Variants in SORBS2 observed in about 807,000 individuals in gnomAD.
The protein encoded by SORBS2 is sorbin and SH3 domain-containing protein 2.
A neutral mutation model predicts 97.7 loss-of-function variants in SORBS2; 46 were observed. The ratio of observed to expected loss-of-function variants is 0.47; its 90% CI spans 0.37 to 0.60. SORBS2 has a LOEUF of 0.60. Among genes scored for constraint, SORBS2 ranks in the 20% least tolerant of loss-of-function variants. The pLI, the probability that SORBS2 is intolerant of heterozygous loss-of-function variation, is 0.00. For missense variants in SORBS2, 1,316 were observed against 1,282.3 expected (o/e 1.03, Z -0.40); for synonymous variants, 476 against 473.4 (o/e 1.01, Z -0.07).
intron 1 of SORBS2, among the ~76,000 whole-genome samples, chr4:185,910,783 A>T (rs944008278): frequency 6.6e-6 from 1 of 152,198 alleles, no homozygotes; most frequent in Non-Finnish European, 1.5e-5. Context: ...GTATACAAAG[A>T]TGCAGATATA....
chr4:185,639,249 C>T (rs905436098), intron 4 of SORBS2, among the ~76,000 whole-genome samples: 1 of 152,130 alleles, frequency 6.6e-6, no homozygotes, highest in African/African-American at 2.4e-5. Flanking sequence ...ATTCACCTCC[C>T]GGCTGCCTGC....
At chr4:185,720,223 C>T (rs2098501535) in intron 2 of SORBS2, among the ~76,000 whole-genome samples, 1 of 152,198 alleles carries the variant, frequency 6.6e-6, no homozygotes, top group East Asian at 1.9e-4. Context: ...CATGAGTGAG[C>T]AATACACATC....
chr4:185,745,999 A>G (rs1177774930), intron 2 of SORBS2, among the ~76,000 whole-genome samples: 4 of 152,234 alleles, frequency 2.6e-5, no homozygotes, highest in African/African-American at 9.6e-5. Flanking sequence ...TCTGTGAACT[A>G]CAGAAAAGGA....
intron 1 of SORBS2, among the ~76,000 whole-genome samples, chr4:185,886,499 G>C (rs983590002): frequency 1.5e-5 from 2 of 136,934 alleles, no homozygotes; most frequent in African/African-American, 5.7e-5. Flanking sequence ...AGGTTGCAGT[G>C]AGCCAAGATC....
At chr4:185,924,779 T>A (rs181461939) in intron 1 of SORBS2, among the ~76,000 whole-genome samples, 2 of 152,338 alleles carry the variant, frequency 1.3e-5, no homozygotes, top group African/African-American at 4.8e-5. Flanking sequence ...GCGAGTTTTC[T>A]CTTTGTTCCA....
intron 1 of SORBS2, among the ~76,000 whole-genome samples, chr4:185,878,118 C>T (rs547702039): frequency 2.2e-4 from 34 of 152,142 alleles, no homozygotes; most frequent in African/African-American, 8.2e-4. Context: ...AGCCAATTAT[C>T]TCCTATTGCT....
At chr4:185,658,837 T>C (rs1582027443), upstream of SORBS2, among the ~76,000 whole-genome samples, 1 of 151,650 alleles carries the variant, frequency 6.6e-6, no homozygotes, top group Admixed American at 6.6e-5. Flanking sequence ...CGTGCCACCA[T>C]GCCTGTACAA....
intron 2 of SORBS2, among the ~76,000 whole-genome samples, chr4:185,687,992 C>A (rs944339758): frequency 6.6e-6 from 1 of 152,166 alleles, no homozygotes; most frequent in African/African-American, 2.4e-5. Flanking sequence ...GGCTACTCTT[C>A]CCCTGAGCTG....
At chr4:185,633,723 A>AT (rs11461968) in intron 4 of SORBS2, among the ~76,000 whole-genome samples, 56,500 of 150,950 alleles carry the variant, frequency 0.37, 10,651 homozygotes, top group South Asian at 0.52. Flanking sequence ...AGAGAGATAT[A>AT]TTTTTTTTTC....
chr4:185,725,842 T>A (rs954883466), intron 2 of SORBS2, among the ~76,000 whole-genome samples: 1 of 152,218 alleles, frequency 6.6e-6, no homozygotes, highest in African/African-American at 2.4e-5. Context: ...GAACACTGAC[T>A]TCACATTATC....
chr4:185,793,534 C>G (rs2153649502), intron 1 of SORBS2, among the ~76,000 whole-genome samples: 1 of 152,278 alleles, frequency 6.6e-6, no homozygotes, highest in African/African-American at 2.4e-5. Flanking sequence ...CACGGAAAGT[C>G]AAATGGATTG....
At position 185,785,459 on chromosome 4, in the gene SORBS2, A is replaced by G. The variant is rs2099051918; in HGVS notation, c.-337-10093T>C. On this transcript the variant is annotated intron_variant, in intron 1 of 20. Transcript: ENST00000284776. Reference sequence around the variant, plus strand: ...ATAAATCATAACGATTCCGTTTTATAACAGACAGTCTCGTGTAAATATTTT... The same window carrying G: ...ATAAATCATAACGATTCCGTTTTATGACAGACAGTCTCGTGTAAATATTTT... Among the ~76,000 whole-genome samples the G allele has an allele frequency of 2.0e-5, 3 of 152,228 alleles. No individual in the cohort carries two copies. In the South Asian group the frequency reaches 6.2e-4, roughly 31 times the overall value.
At position 185,831,905 on chromosome 4, in the gene SORBS2, C is replaced by T. The variant is rs535694466; in HGVS notation, c.-337-56539G>A. ...TCTAAAGTGGAACTAATACTAGCAC[C>T]TTATTAAAATGGTGAAAGATTAAAT... On this transcript the variant is annotated intron_variant, in intron 1 of 20. Coordinates refer to the SORBS2 transcript ENST00000284776. Among the ~76,000 whole-genome samples the T allele has an allele frequency of 3.3e-5, 5 of 152,268 alleles. No homozygotes were observed. The South Asian group carries it at 1.0e-3, about 32-fold the overall frequency.
chr4:185,665,757 G>T, intron 4 of SORBS2: 1 of 1,047,064 alleles, frequency 9.6e-7, no homozygotes, highest in Non-Finnish European at 1.2e-6. Flanking sequence ...GGGTGGTTAA[G>T]GTGGTGCCAT....
At chr4:185,630,420 A>G in intron 5 of SORBS2, 129 bp downstream of exon 17, 1 of 474,622 alleles carries the variant, frequency 2.1e-6, no homozygotes, top group Non-Finnish European at 3.7e-6. Context: ...AAACAACTTC[A>G]TGAGGCATGG....
Position 185,622,897 on chromosome 4 carries a change from A to G in SORBS2, c.2215+17T>C, listed in dbSNP as rs769212727. The G allele has an allele frequency of 1.0e-5, 16 of 1,565,548 alleles. No individual in the cohort carries two copies. Among genetic ancestry groups the G allele is most frequent in the Non-Finnish European group, 1.4e-5 (16 of 1,155,618 alleles). On this transcript the variant is annotated intron_variant, in intron 7 of 14. Transcript: ENST00000418609. ...GGTCTCTGAACCACAAGGAAAAAGA[A>G]AGAAAAGCTCATCCACCTTGGAGTG...
chr4:185,923,338 T>G (rs2099261854), intron 1 of SORBS2, among the ~76,000 whole-genome samples: 2 of 152,128 alleles, frequency 1.3e-5, no homozygotes, highest in Non-Finnish European at 2.9e-5. Flanking sequence ...GGTCTTGCTT[T>G]GTCACCCAGG....
At chr4:185,805,648 T>A (rs1021322150) in intron 1 of SORBS2, among the ~76,000 whole-genome samples, 7 of 152,174 alleles carry the variant, frequency 4.6e-5, no homozygotes, top group Non-Finnish European at 8.8e-5. Context: ...ACAACACCGG[T>A]CTATTCACAC....
chr4:185,869,724 T>G (rs1022645593), intron 1 of SORBS2, among the ~76,000 whole-genome samples: 1 of 152,144 alleles, frequency 6.6e-6, no homozygotes, highest in African/African-American at 2.4e-5. Flanking sequence ...GCAAGTGGAG[T>G]GTCTGCCAGA....
Sources: gnomAD v4.1 joint callset for allele counts (sites outside exome capture counted in the v4.1 genomes callset) on GRCh38, gnomAD v4.1.1 for gene constraint, MANE v1.5 for transcripts, NCBI Gene and HGNC (gene_info 2026-07-23, HGNC 2026-07-21) for gene names.